The following COL21A1 variants were observed in gnomAD, a reference collection of about 807,000 sequenced individuals.
COL21A1 encodes the protein collagen type XXI alpha 1 chain.
COL21A1 carries 149 observed loss-of-function variants against 137.9 expected under a neutral mutation model. That is an observed-to-expected ratio of 1.08 (90% CI 0.95 to 1.24). COL21A1 has a LOEUF of 1.24. Ranked by LOEUF, COL21A1 falls within the 50% of genes most tolerant of loss-of-function variation. The pLI, the probability that COL21A1 is intolerant of heterozygous loss-of-function variation, is 0.00. For missense variants in COL21A1, 1,167 were observed against 1,158.4 expected, an observed-to-expected ratio of 1.01 and a Z score of -0.11; for synonymous variants, 456 against 391.5, an observed-to-expected ratio of 1.16 and a Z score of -1.95.
intron 1 of COL21A1, among the ~76,000 whole-genome samples, chr6:56,360,973 TG>T (rs1381326400): frequency 6.6e-6 from 1 of 152,100 alleles, no homozygotes; most frequent in Non-Finnish European, 1.5e-5. Context: ...TGGTGACGCG[TG>T]CCTGTAATCC....
chr6:56,179,413 G>T (rs1020178583), intron 3 of COL21A1, among the ~76,000 whole-genome samples, 165 bp downstream of exon 3: 1 of 151,870 alleles, frequency 6.6e-6, no homozygotes, highest in African/African-American at 2.4e-5. Flanking sequence ...AAAAATTTAT[G>T]CTCACAGTAT....
intron 1 of COL21A1, among the ~76,000 whole-genome samples, chr6:56,220,313 C>T (rs1780752071): frequency 1.3e-5 from 2 of 151,944 alleles, no homozygotes; most frequent in Non-Finnish European, 2.9e-5. Context: ...GAGAAAATAG[C>T]CTGGGGGAAT....
chr6:56,318,170 A>G (rs1764784744), intron 1 of COL21A1, among the ~76,000 whole-genome samples: 1 of 152,144 alleles, frequency 6.6e-6, no homozygotes, highest in Non-Finnish European at 1.5e-5. Context: ...GTTAATGACC[A>G]TGGTCCATCA....
intron 18 of COL21A1, among the ~76,000 whole-genome samples, chr6:56,076,681 C>A (rs1458839480): frequency 1.3e-5 from 2 of 150,906 alleles, no homozygotes; most frequent in Non-Finnish European, 1.5e-5. Context: ...AAACATTTAA[C>A]CAGAATGTAA....
At chr6:56,168,026 A>C in intron 6 of COL21A1, 98 bp downstream of exon 6, 1 of 834,512 alleles carries the variant, frequency 1.2e-6, no homozygotes, top group Non-Finnish European at 1.7e-6. Flanking sequence ...GGGAATTCAT[A>C]AGTATGTTAA....
intron 17 of COL21A1, among the ~76,000 whole-genome samples, chr6:56,089,917 C>T (rs967179380): frequency 1.3e-5 from 2 of 152,056 alleles, no homozygotes; most frequent in African/African-American, 4.8e-5. Context: ...TACGTTAATG[C>T]TTATCAGTGG....
At chr6:56,226,527 A>T (rs2152315491) in intron 1 of COL21A1, among the ~76,000 whole-genome samples, 1 of 152,182 alleles carries the variant, frequency 6.6e-6, no homozygotes, top group East Asian at 1.9e-4. Flanking sequence ...GCTTTTCAAG[A>T]CAGAATTCAC....
At chr6:56,328,873 C>CCATG (rs1174389054) in intron 1 of COL21A1, among the ~76,000 whole-genome samples, 2 of 152,164 alleles carry the variant, frequency 1.3e-5, no homozygotes, top group African/African-American at 4.8e-5. Flanking sequence ...GCTCCTAACA[C>CCATG]CATGACCACT....
chr6:56,174,268 G>C (rs1476678312), intron 3 of COL21A1, among the ~76,000 whole-genome samples: 1 of 151,604 alleles, frequency 6.6e-6, no homozygotes, highest in African/African-American at 2.4e-5. Context: ...ATACCTCAAG[G>C]ACCTACAGAA....
chr6:56,388,044 C>A (rs113804840), intron 1 of COL21A1, among the ~76,000 whole-genome samples: 9 of 152,288 alleles, frequency 5.9e-5, no homozygotes, highest in Non-Finnish European at 1.2e-4. Flanking sequence ...GTACAGAGAA[C>A]TTTGTCTTGC....
chr6:56,207,495 G>A (rs952239996), intron 1 of COL21A1, among the ~76,000 whole-genome samples: 4 of 152,166 alleles, frequency 2.6e-5, no homozygotes, highest in Non-Finnish European at 4.4e-5. Context: ...GGAAGAAGTC[G>A]AGTCCCTGAA....
At chr6:56,230,243 C>A (rs1781472818) in intron 1 of COL21A1, among the ~76,000 whole-genome samples, 1 of 151,824 alleles carries the variant, frequency 6.6e-6, no homozygotes, top group South Asian at 2.1e-4. Flanking sequence ...TCCTATGACT[C>A]TGTGAAAGGC....
intron 1 of COL21A1, among the ~76,000 whole-genome samples, chr6:56,215,932 T>C (rs547007020): frequency 2.0e-5 from 3 of 152,206 alleles, no homozygotes; most frequent in East Asian, 3.9e-4. Context: ...TGTGTATATA[T>C]TCCAACTGCT....
chr6:56,237,639 T>C (rs1314989784), intron 1 of COL21A1, among the ~76,000 whole-genome samples: 3 of 152,122 alleles, frequency 2.0e-5, no homozygotes, highest in Non-Finnish European at 4.4e-5. Flanking sequence ...TTTATTAAAT[T>C]AGTCAACCTT....
intron 1 of COL21A1, among the ~76,000 whole-genome samples, chr6:56,221,568 T>C (rs1044098387): frequency 2.6e-5 from 4 of 151,990 alleles, no homozygotes; most frequent in African/African-American, 7.2e-5. Flanking sequence ...ATAAAAAATT[T>C]TTAAAAGTTA....
chr6:56,138,778 G>A (rs1047970078), intron 12 of COL21A1, among the ~76,000 whole-genome samples: 2 of 152,086 alleles, frequency 1.3e-5, no homozygotes, highest in Non-Finnish European at 2.9e-5. Context: ...ACCTTTTGGA[G>A]CACTTGTACT....
intron 3 of COL21A1, among the ~76,000 whole-genome samples, chr6:56,178,865 C>T (rs573337922): frequency 2.0e-5 from 3 of 152,146 alleles, no homozygotes; most frequent in East Asian, 3.9e-4. Context: ...GCAATTTTAA[C>T]GTTTTCCCCC....
In COL21A1 at chr6:56,152,585, A is replaced by G. The variant is rs138792263; in HGVS notation, c.1434+4302T>C. ...ATGAGATGAGGCAATAAATAATTCT[A>G]TTATAACTTAGTCAGAGTCATAGAG... On this transcript the variant is annotated intron_variant, in intron 10 of 29. Transcript: ENST00000244728. Among the ~76,000 whole-genome samples, 74 of 152,304 alleles carry G rather than the reference A, an allele frequency of 4.9e-4. 1 individual carries two copies. Among genetic ancestry groups the G allele is most frequent in the South Asian group, 1.2e-3 (6 of 4,832 alleles).
chr6:56,081,979 G>A (rs1226223933), intron 17 of COL21A1, among the ~76,000 whole-genome samples: 1 of 151,860 alleles, frequency 6.6e-6, no homozygotes, highest in Non-Finnish European at 1.5e-5. Context: ...AAGCCATTTG[G>A]AGGCCATTTT....
Sources: allele counts gnomAD v4.1 joint callset (sites outside exome capture counted in the v4.1 genomes callset), GRCh38; gene constraint gnomAD v4.1.1; transcripts MANE v1.5; gene names NCBI Gene and HGNC (gene_info 2026-07-23, HGNC 2026-07-21).